TOLLIP: variants seen among roughly 807,000 people sequenced by gnomAD.
TOLLIP encodes toll-interacting protein.
Under a neutral mutation model 33.5 loss-of-function variants are expected in TOLLIP, and 16 were observed. The ratio of observed to expected loss-of-function variants is 0.48; its 90% confidence interval spans 0.32 to 0.72. TOLLIP has a LOEUF of 0.72. Ranked by LOEUF, TOLLIP falls within the 30% of genes least tolerant of loss-of-function variation. The pLI is 0.03. For missense variants in TOLLIP, 325 were observed against 396.6 expected (o/e 0.82, Z 1.53); for synonymous variants, 176 against 163.7 (o/e 1.07, Z -0.57).
intron 4 of TOLLIP, 85 bp downstream of exon 4, chr11:1,288,539 G>C (rs1197194974): frequency 7.5e-6 from 11 of 1,471,040 alleles, no homozygotes; most frequent in Non-Finnish European, 9.1e-6. Flanking sequence ...CCAGGAAAGA[G>C]ACAAGGGTGT....
At chr11:1,300,166 A>G (rs571321116) in intron 1 of TOLLIP, among the ~76,000 whole-genome samples, 1 of 152,396 alleles carries the variant, frequency 6.6e-6, no homozygotes, top group East Asian at 1.9e-4. Context: ...CAGAGCTCAC[A>G]GCATTTTATC....
At chr11:1,302,525 T>A in intron 1 of TOLLIP, 1 of 964,738 alleles carries the variant, frequency 1.0e-6, no homozygotes, top group Non-Finnish European at 1.2e-6. Flanking sequence ...CCCACTCAGC[T>A]GCTGGCTCCC....
chr11:1,285,794 C>A (rs937988299), intron 5 of TOLLIP, among the ~76,000 whole-genome samples: 1 of 151,740 alleles, frequency 6.6e-6, no homozygotes, highest in Non-Finnish European at 1.5e-5. Context: ...AAAAACAATT[C>A]TATTTTCTAG....
At chr11:1,285,784 A>C (rs1480579372) in intron 5 of TOLLIP, among the ~76,000 whole-genome samples, 10 of 152,204 alleles carry the variant, frequency 6.6e-5, no homozygotes, top group African/African-American at 1.9e-4. Flanking sequence ...AAAAAAAAAA[A>C]AAAACAATTC....
chr11:1,282,710 A>G (rs1029588786), intron 5 of TOLLIP, among the ~76,000 whole-genome samples: 8 of 151,922 alleles, frequency 5.3e-5, no homozygotes, highest in Admixed American at 2.6e-4. Context: ...CAGCACACCA[A>G]CATGGCACAC....
At chr11:1,281,809 T>G (rs1471517328) in intron 5 of TOLLIP, among the ~76,000 whole-genome samples, 1 of 152,234 alleles carries the variant, frequency 6.6e-6, no homozygotes, top group Non-Finnish European at 1.5e-5. Flanking sequence ...GCGACACACA[T>G]GCTCTGGCCA....
At chr11:1,279,261 C>G (rs538330104) in intron 5 of TOLLIP, among the ~76,000 whole-genome samples, 1 of 152,228 alleles carries the variant, frequency 6.6e-6, no homozygotes, top group Non-Finnish European at 1.5e-5. Flanking sequence ...CAGGCACCCC[C>G]GGGGGAAGAG....
At position 1,277,731 on chromosome 11, in the gene TOLLIP, G is replaced by A. The variant is rs1001583945; in HGVS notation, c.611-478C>T. Among the ~76,000 whole-genome samples the A allele has an allele frequency of 6.6e-6, 1 of 152,164 alleles. No individual in the cohort carries two copies. Among genetic ancestry groups the A allele is most frequent in the Non-Finnish European group, 1.5e-5 (1 of 68,038 alleles). On this transcript the variant is annotated intron_variant, in intron 5 of 5. Transcript: ENST00000317204. This position sits in a 1 kb window ranked among gnomAD's most constrained non-coding sequence, Gnocchi z 4.2. ...ACGGTCTGAGCCTCTTCCTTTATCA[G>A]GCATTCTAGAAGATGCTTTTGCAGC... is the stretch of plus-strand genomic sequence containing the variant.
intron 1 of TOLLIP, among the ~76,000 whole-genome samples, chr11:1,305,353 C>T (rs1864397077): frequency 6.6e-6 from 1 of 152,140 alleles, no homozygotes; most frequent in Non-Finnish European, 1.5e-5. Context: ...CCAGCGGAGA[C>T]GGGTAAGTGC....
At chr11:1,284,616 C>T (rs5743987) in intron 5 of TOLLIP, among the ~76,000 whole-genome samples, 13,412 of 152,088 alleles carry the variant, frequency 0.088, 726 homozygotes, top group African/African-American at 0.16. Context: ...CCCAAGGTGC[C>T]GGGATTAGAG....
chr11:1,286,929 C>T (rs1052949753), intron 4 of TOLLIP, among the ~76,000 whole-genome samples: 1 of 152,216 alleles, frequency 6.6e-6, no homozygotes, highest in African/African-American at 2.4e-5. Context: ...TAAGTCACTG[C>T]ACTGCTGTTG....
At chr11:1,297,819 G>A (rs913083374) in intron 1 of TOLLIP, among the ~76,000 whole-genome samples, 17 of 152,220 alleles carry the variant, frequency 1.1e-4, no homozygotes, top group Non-Finnish European at 2.2e-4. Context: ...CTCTCGAGGC[G>A]CTGTACAGCT....
At chr11:1,302,838 C>T (rs533295828) in intron 1 of TOLLIP, 23 of 977,166 alleles carry the variant, frequency 2.4e-5, no homozygotes, top group South Asian at 9.5e-5. Flanking sequence ...CCTCCTCCCA[C>T]GGCCGCTCAG....
intron 5 of TOLLIP, among the ~76,000 whole-genome samples, chr11:1,285,386 T>C (rs1863657218): frequency 6.6e-6 from 1 of 152,192 alleles, no homozygotes; most frequent in East Asian, 1.9e-4. Flanking sequence ...GCTGGGCCCA[T>C]CCATGGTGGG....
At position 1,276,747 on chromosome 11, in the gene TOLLIP, G is replaced by A. The variant is rs1167985989; in HGVS notation, c.*292C>T. On this transcript the variant is annotated 3_prime_UTR_variant, in exon 6 of 6. Transcript: ENST00000317204. ...CAGAAGCAGCTGCTCTCTACAGCAA[G>A]AGCATTTTCCAGAACGGCATGAGAA... 4 of 1,477,830 alleles carry A rather than the reference G, an allele frequency of 2.7e-6. No homozygotes were observed. The South Asian group carries it at 3.6e-5, about 13-fold the overall frequency. The allele number at this position is 1,477,830 out of a possible 1,614,324, so 91.5% of individuals were successfully genotyped here. A position where few individuals can be genotyped will look rare whatever the true frequency, so the allele number is the denominator to read the frequency against.
chr11:1,297,214 C>T (rs373569115), intron 1 of TOLLIP, among the ~76,000 whole-genome samples: 1 of 152,268 alleles, frequency 6.6e-6, no homozygotes, highest in African/African-American at 2.4e-5. Flanking sequence ...ACCAGAAACC[C>T]GTACCTGCCT....
chr11:1,295,670 C>A lies in TOLLIP; in HGVS notation c.158G>T (p.Gly53Val), dbSNP rs1564975850. The A allele has an allele frequency of 1.9e-6, 3 of 1,598,360 alleles. No individual in the cohort carries two copies. Among genetic ancestry groups the A allele is most frequent in the South Asian group, 1.1e-5 (1 of 89,948 alleles). ...LQYGGAVGTV[G>V]RLNITVVQAK... ...CTGTACCACCGTGATGTTCAGTCGG[C>A]CCACGGTGCCCACTGCGCCTCCGTA... Residue 53 changes from glycine (G) to valine (V), a missense_variant, in exon 2 of 6, where the codon GGC (glycine) becomes GTC (valine). Gly to Val is a moderately radical substitution (Grantham distance 109). Transcript: ENST00000317204.
chr11:1,281,570 G>A (rs1001146511), intron 5 of TOLLIP, among the ~76,000 whole-genome samples: 6 of 152,204 alleles, frequency 3.9e-5, no homozygotes, highest in East Asian at 1.9e-4. Context: ...CGATCAGCAG[G>A]CGACAGCTGA....
At chr11:1,283,006 CAG>C (rs1469305634) in intron 5 of TOLLIP, among the ~76,000 whole-genome samples, 4 of 152,144 alleles carry the variant, frequency 2.6e-5, no homozygotes, top group Non-Finnish European at 2.9e-5. Context: ...CGGATAAACT[CAG>C]GGGCTGACAA....
Sources: gnomAD v4.1 joint callset for allele counts (sites outside exome capture counted in the v4.1 genomes callset) on GRCh38, gnomAD v4.1.1 for gene constraint, Gnocchi (gnomAD v3.1) non-coding constraint, MANE v1.5 for transcripts, NCBI Gene and HGNC (gene_info 2026-07-23, HGNC 2026-07-21) for gene names.